Variants in SPR observed in about 807,000 individuals in gnomAD.
The protein encoded by SPR is Sepiapterin reductase (L-erythro-7,8-dihydrobiopterin forming).
Under a neutral mutation model 16.0 loss-of-function variants are expected in SPR, and 12 were observed. That is an observed-to-expected ratio of 0.75 (90% confidence interval 0.48 to 1.22). The LOEUF (loss-of-function observed/expected upper bound fraction) is 1.22. SPR is among the 50% of genes most tolerant of loss of function. SPR has a pLI of 0.00. For missense variants in SPR, 324 were observed against 344.4 expected (o/e 0.94, Z 0.47); for synonymous variants, 177 against 168.5 (o/e 1.05, Z -0.39).
Position 72,888,399 on chromosome 2 carries a change from C to T in SPR, c.390C>T (p.Ser130=), listed in dbSNP as rs765952221. 2.5e-6 allele frequency: 4 copies of T among 1,614,124 alleles called. No homozygotes were observed. The highest frequency in any genetic ancestry group is 1.7e-5 in the Admixed American group (1 of 60,030). The part of the protein sequence containing the change: ...VNNYWALNLT[S]MLCLTSSVLK... ...ACTACTGGGCACTGAACTTGACCTC[C>T]ATGCTCTGCCTGACTTCCAGCGTCC... Residue 130 remains serine (S), a synonymous_variant, in exon 2 of 3, where the codon TCC becomes TCT. Transcript: ENST00000234454.
At chr2:72,887,841 T>A (rs1465485908) in intron 1 of SPR, 105 bp downstream of exon 1, 5 of 1,213,548 alleles carry the variant, frequency 4.1e-6, no homozygotes, top group Non-Finnish European at 5.4e-6. Context: ...CGCCTAGAAA[T>A]CTAAAGCCCT....
Position 72,891,433 on chromosome 2 carries a change from A to G in SPR, c.682A>G (p.Lys228Glu), listed in dbSNP as rs1313958441. ...MRKGLQELKAKGKLVDCKVSA... is the reference protein window; with the variant it reads ...MRKGLQELKAEGKLVDCKVSA... ...AAAAGGGCTGCAGGAGCTGAAGGCA[A>G]AGGGGAAGCTGGTGGATTGCAAGGT... The change falls in exon 3 of 3, where the codon AAG becomes GAG. Residue 228 changes from lysine (K) to glutamate (E), a missense_variant. Physicochemically the swap from Lys to Glu is moderately conservative, Grantham distance 56. Transcript: ENST00000234454. 1 of 1,614,260 alleles carries G rather than the reference A, an allele frequency of 6.2e-7. No individual in the cohort carries two copies. Among genetic ancestry groups the G allele is most frequent in the Non-Finnish European group, 8.5e-7 (1 of 1,180,044 alleles).
rs377531182 is a variant in SPR, at chr2:72,887,446, T to C, written c.14T>C (p.Leu5Pro). 8.7e-6 allele frequency: 13 copies of C among 1,501,724 alleles called. No homozygotes were observed. Among genetic ancestry groups the C allele is most frequent in the Non-Finnish European group, 1.1e-5 (13 of 1,131,372 alleles). 93.0% of individuals were successfully genotyped at this position (1,501,724 alleles called of 1,614,324 possible). ...GAGAACAGGAGCATGGAGGGCGGGC[T>C]GGGGCGTGCTGTGTGCTTGCTGACC... is the stretch of plus-strand genomic sequence containing the variant. MEGG[L>P]GRAVCLLTGA... The change falls in exon 1 of 3, where the codon CTG becomes CCG. Residue 5 changes from leucine (L) to proline (P), a missense_variant. Coordinates refer to ENST00000234454, the MANE Select transcript of SPR (RefSeq NM_003124.5).
Position 72,891,886 on chromosome 2 carries a change from T to C in SPR, c.*349T>C, listed in dbSNP as rs932395743. ...GTGTCTCTTGCTCATAGCAAGCCTG[T>C]GGGTAGAGGAAAGAGTGATCTGGTG... On this transcript the variant is annotated 3_prime_UTR_variant, in exon 3 of 3. Transcript: ENST00000234454. The C allele has an allele frequency of 1.5e-5, 5 of 335,856 alleles. No individual in the cohort carries two copies. The highest frequency in any genetic ancestry group is 8.4e-5 in the African/African-American group (4 of 47,640). The allele number at this position is 335,856 out of a possible 1,614,324, so 20.8% of individuals were successfully genotyped here. A position where few individuals can be genotyped will look rare whatever the true frequency, so the allele number is the denominator to read the frequency against.
In SPR at chr2:72,887,726, C is replaced by A; in HGVS notation, c.294C>A (p.Ile98=). The A allele has an allele frequency of 6.6e-7, 1 of 1,513,034 alleles. No individual in the cohort carries two copies. The highest frequency in any genetic ancestry group is 1.2e-5 in the South Asian group (1 of 82,266). The allele number at this position is 1,513,034 out of a possible 1,614,324, so 93.7% of individuals were successfully genotyped here. The change falls in exon 1 of 3, where the codon ATC becomes ATA. Residue 98 remains isoleucine, a synonymous_variant. Transcript: ENST00000234454. ...AGGGGCTGCAGCGACTGCTGCTTAT[C>A]AACAACGCGGGTAAGACCCCGGGGC... The part of the protein sequence containing the change: ...RPKGLQRLLL[I]NNAGSLGDVS...
intron 1 of SPR, 134 bp downstream of exon 1, chr2:72,887,870 A>C (rs1250622882): frequency 1.0e-6 from 1 of 980,074 alleles, no homozygotes; most frequent in Non-Finnish European, 1.4e-6. Flanking sequence ...CAGCTTGAGT[A>C]GCAAGTGGAG....
rs867819412 is a variant in SPR, at chr2:72,887,960, C to A, written c.304+224C>A. 4.6e-5 allele frequency among the ~76,000 whole-genome samples: 7 copies of A among 152,360 alleles called. No individual in the cohort carries two copies. In the East Asian group the frequency reaches 1.4e-3, roughly 29 times the overall value. On this transcript the variant is annotated intron_variant, in intron 1 of 2. Transcript: ENST00000234454. ...CTGGAAAATTGGCCAGCCGGGTTTT[C>A]CAAAGCGCCTGTAGAACTTTCCCGA...
In SPR at chr2:72,887,531, C is replaced by G. The variant is rs1670558347; in HGVS notation, c.99C>G (p.Pro33=). The G allele has an allele frequency of 2.0e-6, 3 of 1,480,060 alleles. No individual in the cohort carries two copies. Among genetic ancestry groups the G allele is most frequent in the South Asian group, 1.3e-5 (1 of 77,908 alleles). 91.7% of individuals were successfully genotyped at this position (1,480,060 alleles called of 1,614,324 possible). A position where few individuals can be genotyped will look rare whatever the true frequency, so the allele number is the denominator to read the frequency against. The change falls in exon 1 of 3, where the codon CCC becomes CCG. Residue 33 remains proline (P), a synonymous_variant. Transcript: ENST00000234454. ...CGCTCCTGGCCTCGCTGCTGTCGCC[C>G]GGCTCCGTGCTTGTCCTTAGCGCCC... is the stretch of plus-strand genomic sequence containing the variant. The part of the protein sequence containing the change: ...LAPLLASLLS[P]GSVLVLSARN...
intron 2 of SPR, among the ~76,000 whole-genome samples, chr2:72,889,388 G>A (rs1353815644): frequency 1.3e-5 from 2 of 152,164 alleles, no homozygotes; most frequent in Non-Finnish European, 2.9e-5. Context: ...GAGCAGCCAT[G>A]GAAAGCCTGA....
chr2:72,889,254 A>G (rs1670586812), intron 2 of SPR, among the ~76,000 whole-genome samples: 1 of 152,190 alleles, frequency 6.6e-6, no homozygotes. Flanking sequence ...CCTTGCTCTC[A>G]TGAACGCCAA....
Position 72,887,447 on chromosome 2 carries a change from G to T in SPR, c.15G>T (p.Leu5=). 6.7e-7 allele frequency: 1 copy of T among 1,502,568 alleles called. No individual in the cohort carries two copies. Among genetic ancestry groups the T allele is most frequent in the East Asian group, 2.9e-5 (1 of 34,718 alleles). The allele number at this position is 1,502,568 out of a possible 1,614,324, so 93.1% of individuals were successfully genotyped here. A position where few individuals can be genotyped will look rare whatever the true frequency, so the allele number is the denominator to read the frequency against. Residue 5 remains leucine (L), a synonymous_variant, in exon 1 of 3, where the codon CTG becomes CTT. Coordinates refer to ENST00000234454, the MANE Select transcript of SPR (RefSeq NM_003124.5). The stretch of plus-strand genomic sequence containing the variant: ...AGAACAGGAGCATGGAGGGCGGGCT[G>T]GGGCGTGCTGTGTGCTTGCTGACCG... MEGG[L]GRAVCLLTGA... is the part of the protein sequence containing the mutation.
At position 72,891,561 on chromosome 2, in the gene SPR, C is replaced by A. The variant is rs748970098; in HGVS notation, c.*24C>A. On this transcript the variant is annotated 3_prime_UTR_variant, in exon 3 of 3. Transcript: ENST00000234454. ...AAGCCCATGTTTTTGGCTTCCTGAACCTTTTTGCCCCCACTTTTAGACATA... is the reference window on the plus strand; with the variant it reads ...AAGCCCATGTTTTTGGCTTCCTGAAACTTTTTGCCCCCACTTTTAGACATA... 9 of 1,613,814 alleles carry A rather than the reference C, an allele frequency of 5.6e-6. No homozygotes were observed. In the African/African-American group the frequency reaches 1.1e-4, roughly 19 times the overall value.
At position 72,887,805 on chromosome 2, in the gene SPR, G is replaced by T. The variant is rs186554638; in HGVS notation, c.304+69G>T. The T allele has an allele frequency of 5.8e-5, 82 of 1,413,800 alleles. 1 individual carries two copies. In the African/African-American group the frequency reaches 1.2e-3, roughly 20 times the overall value. 87.6% of individuals were successfully genotyped at this position (1,413,800 alleles called of 1,614,324 possible). A position where few individuals can be genotyped will look rare whatever the true frequency, so the allele number is the denominator to read the frequency against. On this transcript the variant is annotated intron_variant, in intron 1 of 2. Transcript: ENST00000234454. ...CTTCCTCCACCGCTGGGGAATTTAA[G>T]GGCTACTCCTAGGGGTCAGATAGGA...
chr2:72,887,675 C>T lies in SPR; in HGVS notation c.243C>T (p.Gly81=), dbSNP rs1670561470. 6.7e-7 allele frequency: 1 copy of T among 1,496,796 alleles called. No individual in the cohort carries two copies. 92.7% of individuals were successfully genotyped at this position (1,496,796 alleles called of 1,614,324 possible). The change falls in exon 1 of 3, where the codon GGC becomes GGT. Residue 81 remains glycine, a synonymous_variant. Coordinates refer to ENST00000234454, the MANE Select transcript of SPR (RefSeq NM_003124.5). ...GAEAGLQQLL[G]ALRELPRPKG... The stretch of plus-strand genomic sequence containing the variant: ...AGGCCGGCTTGCAGCAGCTGCTCGG[C>T]GCCCTGCGCGAGCTCCCCCGGCCCA...
At chr2:72,888,651 C>G (rs369644304) in intron 2 of SPR, 47 bp downstream of exon 2, 11 of 1,547,710 alleles carry the variant, frequency 7.1e-6, no homozygotes, top group African/African-American at 4.1e-5. Flanking sequence ...CCCACTGGTG[C>G]GCCTCTGGGG....
intron 2 of SPR, 58 bp from the exon 3 acceptor site, chr2:72,891,289 G>A (rs899703163): frequency 1.5e-5 from 24 of 1,594,364 alleles, no homozygotes; most frequent in African/African-American, 1.3e-5. Context: ...ACAGGGACCT[G>A]AAACCTTCTG....
chr2:72,887,500 T>C lies in SPR; in HGVS notation c.68T>C (p.Leu23Pro). ...GCCTCCCGCGGCTTCGGCCGGACGCTGGCCCCGCTCCTGGCCTCGCTGCTG... is the reference window on the plus strand; with the variant it reads ...GCCTCCCGCGGCTTCGGCCGGACGCCGGCCCCGCTCCTGGCCTCGCTGCTG... ...TGASRGFGRTLAPLLASLLSP... is the reference protein window; with the variant it reads ...TGASRGFGRTPAPLLASLLSP... Residue 23 changes from leucine to proline, a missense_variant, in exon 1 of 3, where the codon CTG becomes CCG. Coordinates refer to ENST00000234454, the MANE Select transcript of SPR (RefSeq NM_003124.5). The C allele has an allele frequency of 1.0e-5, 15 of 1,495,872 alleles. No homozygotes were observed. The highest frequency in any genetic ancestry group is 1.3e-5 in the Non-Finnish European group (15 of 1,128,398). 92.7% of individuals were successfully genotyped at this position (1,495,872 alleles called of 1,614,324 possible).
intron 1 of SPR, 51 bp downstream of exon 1, chr2:72,887,787 C>A: frequency 1.4e-6 from 2 of 1,448,604 alleles, no homozygotes; most frequent in Non-Finnish European, 9.1e-7. Context: ...CCACTTCCTC[C>A]ACCGCTGGGG....
At chr2:72,890,940 G>A (rs1356994556) in intron 2 of SPR, among the ~76,000 whole-genome samples, 1 of 152,192 alleles carries the variant, frequency 6.6e-6, no homozygotes, top group African/African-American at 2.4e-5. Flanking sequence ...GGGCCTGATT[G>A]TCGGGATGTG....
Sources: gnomAD v4.1 joint callset for allele counts (sites outside exome capture counted in the v4.1 genomes callset) on GRCh38, gnomAD v4.1.1 for gene constraint, MANE v1.5 for transcripts, NCBI Gene and HGNC (gene_info 2026-07-23, HGNC 2026-07-21) for gene names.